VPS13D: variants seen among roughly 807,000 people sequenced by gnomAD.
VPS13D encodes the protein vacuolar protein sorting 13 homolog D, also known as intermembrane lipid transfer protein VPS13D.
A neutral mutation model predicts 461.9 loss-of-function variants in VPS13D; 187 were observed. That is an observed-to-expected ratio of 0.40 (90% CI 0.36 to 0.46). VPS13D has a LOEUF of 0.46. Among genes scored for constraint, VPS13D ranks in the 20% least tolerant of loss-of-function variants. The pLI is 0.60. For missense variants in VPS13D, 4,711 were observed against 5,364.9 expected (o/e 0.88, Z 3.81); for synonymous variants, 1,951 against 1,986.3 (o/e 0.98, Z 0.47).
intron 68 of VPS13D, chr1:12,500,183 A>G (rs1646017547): frequency 8.1e-6 from 8 of 984,246 alleles, no homozygotes; most frequent in Non-Finnish European, 9.7e-6. Context: ...TTGTCATTCT[A>G]TTTAATTAAT....
Position 12,348,830 on chromosome 1 carries a change from C to T in VPS13D, c.9077C>T (p.Ser3026Leu). 3 of 1,614,032 alleles carry T rather than the reference C, an allele frequency of 1.9e-6. No individual in the cohort carries two copies. The highest frequency in any genetic ancestry group is 2.5e-6 in the Non-Finnish European group (3 of 1,179,966). Residue 3026 changes from serine (S) to leucine (L), a missense_variant, in exon 45 of 70, where the codon TCA becomes TTA. Around this residue, in one of 3 missense-constraint regions of VPS13D, gnomAD observed 4,411 missense variants for 4,937.8 expected, o/e 0.89. Transcript: ENST00000620676. ...NIIHPQVYFS[S>L]LPPVRVVFAV... ...TTTATCGCTCTTTCACAGTTCTCTT[C>T]ACTCCCACCAGTGCGGGTGGTCTTT...
chr1:12,425,815 T>C (rs1644918135), intron 65 of VPS13D, among the ~76,000 whole-genome samples: 1 of 152,164 alleles, frequency 6.6e-6, no homozygotes. Flanking sequence ...AATGACTCAT[T>C]GGAGCTAGAA....
Position 12,277,831 on chromosome 1 carries a change from G to C in VPS13D, c.4243G>C (p.Asp1415His). ...CATCCAGAATTTTGTGGCGGGAGAT[G>C]ATGAATCCAGAAGTGACCGTCTGCA... ...IFIQNFVAGD[D>H]ESRSDRLQVE... Residue 1415 changes from aspartate to histidine, a missense_variant, in exon 19 of 70, where the codon GAT becomes CAT. Coordinates refer to ENST00000620676, the MANE Select transcript of VPS13D (RefSeq NM_015378.4). 1.2e-6 allele frequency: 2 copies of C among 1,613,972 alleles called. No homozygotes were observed. The highest frequency in any genetic ancestry group is 1.7e-6 in the Non-Finnish European group (2 of 1,179,926).
chr1:12,318,302 A>T lies in VPS13D; in HGVS notation c.7379A>T (p.Asn2460Ile). Residue 2460 changes from asparagine to isoleucine, a missense_variant, in exon 31 of 70, where the codon AAT becomes ATT. Around this residue, in one of 3 missense-constraint regions of VPS13D, gnomAD observed 4,411 missense variants for 4,937.8 expected, o/e 0.89. Coordinates refer to ENST00000620676, the MANE Select transcript of VPS13D (RefSeq NM_015378.4). ...AAGCGGTCTTCCCTTCCTGTGTCCA[A>T]TGAAAGGCACCTGGAGGTCAAGGTC... ...VTKRSSLPVS[N>I]ERHLEVKVNV... 6.2e-7 allele frequency: 1 copy of T among 1,612,634 alleles called. No homozygotes were observed. Among genetic ancestry groups the T allele is most frequent in the East Asian group, 2.2e-5 (1 of 44,840 alleles).
At chr1:12,270,672 C>G (rs1569753913) in intron 16 of VPS13D, among the ~76,000 whole-genome samples, 2 of 152,106 alleles carry the variant, frequency 1.3e-5, no homozygotes, top group East Asian at 3.9e-4. Context: ...TCCTGTTACC[C>G]TGTATTATGC....
intron 68 of VPS13D, among the ~76,000 whole-genome samples, chr1:12,500,811 C>T (rs752805761): frequency 6.6e-6 from 1 of 151,050 alleles, no homozygotes; most frequent in Non-Finnish European, 1.5e-5. Flanking sequence ...CCTCAGCCTC[C>T]CAAAGAGCTA....
intron 49 of VPS13D, 23 bp from the exon 50 acceptor site, chr1:12,358,436 A>G (rs529318023): frequency 1.2e-6 from 2 of 1,613,188 alleles, no homozygotes; most frequent in East Asian, 4.5e-5. Context: ...GAATATCTAC[A>G]TCTTTGCTTT....
chr1:12,394,965 C>T (rs949052853), intron 60 of VPS13D, among the ~76,000 whole-genome samples: 2 of 152,184 alleles, frequency 1.3e-5, no homozygotes, highest in African/African-American at 2.4e-5. Flanking sequence ...TATCTGTTCT[C>T]CAGATTTCTT....
chr1:12,381,925 T>TC (rs1297948827), intron 57 of VPS13D, among the ~76,000 whole-genome samples: 4 of 70,464 alleles, frequency 5.7e-5, no homozygotes, highest in African/African-American at 1.3e-4. Context: ...TCTTTTCTTT[T>TC]CTTTCTTTCT....
intron 52 of VPS13D, among the ~76,000 whole-genome samples, chr1:12,364,087 A>G (rs1432645405): frequency 6.6e-6 from 1 of 152,050 alleles, no homozygotes; most frequent in Non-Finnish European, 1.5e-5. Flanking sequence ...CAGATATCAA[A>G]TTTACTATCT....
intron 41 of VPS13D, 89 bp from the exon 42 acceptor site, chr1:12,342,810 G>C: frequency 7.0e-7 from 1 of 1,435,332 alleles, no homozygotes; most frequent in Non-Finnish European, 9.4e-7. Flanking sequence ...ATTGAGTTGT[G>C]AGAAGGTTCT....
At chr1:12,383,190 T>G in intron 58 of VPS13D, 35 bp downstream of exon 58, 1 of 1,576,668 alleles carries the variant, frequency 6.3e-7, no homozygotes, top group Non-Finnish European at 8.6e-7. Context: ...TGTGAAACTC[T>G]GTACTTCCTC....
chr1:12,264,451 T>C lies in VPS13D; in HGVS notation c.1594+2371T>C, dbSNP rs1480847051. 7.2e-5 allele frequency among the ~76,000 whole-genome samples: 11 copies of C among 152,320 alleles called. No individual in the cohort carries two copies. The Middle Eastern group carries it at 0.01, about 141-fold the overall frequency. Reference sequence around the variant, plus strand: ...CAAAGGAAAAGTTCTGGAAGGAAATTATTAGTAAAAGTGCTACTTCAGCGA... The same window carrying C: ...CAAAGGAAAAGTTCTGGAAGGAAATCATTAGTAAAAGTGCTACTTCAGCGA... On this transcript the variant is annotated intron_variant, in intron 13 of 69. Coordinates refer to ENST00000620676, the MANE Select transcript of VPS13D (RefSeq NM_015378.4).
intron 12 of VPS13D, 24 bp from the exon 13 acceptor site, chr1:12,261,877 A>G: frequency 3.2e-6 from 5 of 1,561,844 alleles, no homozygotes; most frequent in Non-Finnish European, 4.4e-6. Flanking sequence ...TTTTTCTTAC[A>G]GTCTTTTCTC....
chr1:12,411,254 G>A (rs968809507), intron 63 of VPS13D, among the ~76,000 whole-genome samples: 5 of 152,194 alleles, frequency 3.3e-5, no homozygotes, highest in African/African-American at 1.2e-4. Flanking sequence ...AGTAAATTTA[G>A]TAAGGTCACT....
At chr1:12,347,152 AG>A (rs1323695701) in intron 44 of VPS13D, among the ~76,000 whole-genome samples, 6 of 152,062 alleles carry the variant, frequency 3.9e-5, no homozygotes, top group Non-Finnish European at 8.8e-5. Flanking sequence ...AACAATATCA[AG>A]GTTTGAAACA....
At position 12,276,617 on chromosome 1, in the gene VPS13D, A is replaced by G. The variant is rs1641618841; in HGVS notation, c.3029A>G (p.Gln1010Arg). The G allele has an allele frequency of 6.2e-7, 1 of 1,614,192 alleles. No homozygotes were observed. Among genetic ancestry groups the G allele is most frequent in the Non-Finnish European group, 8.5e-7 (1 of 1,180,016 alleles). Reference sequence around the variant, plus strand: ...GGTTTGCTCCTGGTGGATACCATGCAGACATATGGTGCTGATTTTGACCTT... The same window carrying G: ...GGTTTGCTCCTGGTGGATACCATGCGGACATATGGTGCTGATTTTGACCTT... ...VHGLLLVDTM[Q>R]TYGADFDLLM... The change falls in exon 19 of 70, where the codon CAG becomes CGG. Residue 1010 changes from glutamine (Q) to arginine (R), a missense_variant. Gln to Arg is a conservative substitution (Grantham distance 43, BLOSUM62 1). Around this residue, in one of 3 missense-constraint regions of VPS13D, gnomAD observed 4,411 missense variants for 4,937.8 expected, o/e 0.89. Transcript: ENST00000620676. The surrounding 1 kb of genome is among the most constrained non-coding windows in gnomAD (Gnocchi z 4.5).
chr1:12,322,296 C>G (rs12069644), intron 33 of VPS13D, among the ~76,000 whole-genome samples: 31,987 of 151,996 alleles, frequency 0.21, 6,103 homozygotes, highest in African/African-American at 0.51. Context: ...TCGATCTCCT[C>G]ACCTCGTGAT....
chr1:12,299,531 A>G lies in VPS13D; in HGVS notation c.6216+147A>G. 2.5e-6 allele frequency: 2 copies of G among 813,138 alleles called. No individual in the cohort carries two copies. Among genetic ancestry groups the G allele is most frequent in the South Asian group, 2.4e-5 (1 of 41,286 alleles). The allele number at this position is 813,138 out of a possible 1,614,324, so 50.4% of individuals were successfully genotyped here. A position where few individuals can be genotyped will look rare whatever the true frequency, so the allele number is the denominator to read the frequency against. The stretch of plus-strand genomic sequence containing the variant: ...AAGAATTTTTTTTGGCATTTTATTG[A>G]TATTTCAGTTAACCTTATGAATTGA... On this transcript the variant is annotated intron_variant, in intron 25 of 69. Coordinates refer to ENST00000620676, the MANE Select transcript of VPS13D (RefSeq NM_015378.4). The surrounding 1 kb of genome is among the most constrained non-coding windows in gnomAD (Gnocchi z 4.2).
Sources: gnomAD v4.1 joint callset for allele counts (sites outside exome capture counted in the v4.1 genomes callset) on GRCh38, gnomAD v4.1.1 for gene constraint, gnomAD v4.1.1 regional missense constraint, Gnocchi (gnomAD v3.1) non-coding constraint, MANE v1.5 for transcripts, NCBI Gene and HGNC (gene_info 2026-07-23, HGNC 2026-07-21) for gene names.